UBL3: variants seen among roughly 807,000 people sequenced by gnomAD.
UBL3 encodes the protein ubiquitin-like protein 3.
A neutral mutation model predicts 18.4 loss-of-function variants in UBL3; 6 were observed. The observed-to-expected ratio is 0.33, with a 90% CI of 0.18 to 0.64. The LOEUF (loss-of-function observed/expected upper bound fraction) is 0.64, where lower values mean the gene tolerates loss of function less well. Among genes scored for constraint, UBL3 ranks in the 30% least tolerant of loss-of-function variants. UBL3 has a pLI of 0.76. For synonymous variants in UBL3, 49 were observed against 46.6 expected, an observed-to-expected ratio of 1.05 and a Z score of -0.21; for missense variants, 109 against 142.9, an observed-to-expected ratio of 0.76 and a Z score of 1.21.
intron 1 of UBL3, among the ~76,000 whole-genome samples, chr13:29,793,308 A>G (rs1211022300): frequency 6.6e-6 from 1 of 152,248 alleles, no homozygotes; most frequent in Admixed American, 6.5e-5. Context: ...AGCCATGGAC[A>G]TGAAAAGACC....
chr13:29,770,593 C>T (rs1350528611), intron 3 of UBL3, among the ~76,000 whole-genome samples: 2 of 151,864 alleles, frequency 1.3e-5, no homozygotes, highest in Non-Finnish European at 2.9e-5. Context: ...GATCAATACT[C>T]AAAAGGGAAA....
intron 1 of UBL3, among the ~76,000 whole-genome samples, chr13:29,847,137 T>C (rs1039799211): frequency 3.2e-4 from 48 of 152,208 alleles, no homozygotes; most frequent in African/African-American, 1.1e-3. Context: ...TCTAGGCACA[T>C]AGCAAATGAT....
At chr13:29,788,838 AGTGTGT>A (rs58898742) in intron 1 of UBL3, among the ~76,000 whole-genome samples, 2,018 of 138,166 alleles carry the variant, frequency 0.015, 12 homozygotes, top group East Asian at 0.037. Context: ...TTAATGGGGA[AGTGTGT>A]GTGTGTGTGT....
At chr13:29,824,769 G>T (rs1418612633) in intron 1 of UBL3, among the ~76,000 whole-genome samples, 2 of 152,184 alleles carry the variant, frequency 1.3e-5, no homozygotes, top group African/African-American at 4.8e-5. Flanking sequence ...TTTTAGACAT[G>T]AAGTCCTTGC....
chr13:29,767,114 TG>T lies in UBL3; in HGVS notation c.*140del, dbSNP rs1876709795. Reference sequence around the variant, plus strand: ...TTCTTTTTACTTTCATGAGAAAAGATGACAGTGTTCATGTGGTAATTCAGTT... The same window carrying T: ...TTCTTTTTACTTTCATGAGAAAAGATACAGTGTTCATGTGGTAATTCAGTT... On this transcript the variant is annotated 3_prime_UTR_variant, in exon 5 of 5. Coordinates refer to ENST00000380680, the MANE Select transcript of UBL3 (RefSeq NM_007106.4). The T allele has an allele frequency of 1.5e-6, 1 of 680,458 alleles. No individual in the cohort carries two copies. Among genetic ancestry groups the T allele is most frequent in the African/African-American group, 1.9e-5 (1 of 53,830 alleles). The allele number at this position is 680,458 out of a possible 1,614,324, so 42.2% of individuals were successfully genotyped here. A position where few individuals can be genotyped will look rare whatever the true frequency, so the allele number is the denominator to read the frequency against.
rs1876622580 is a variant in UBL3 at position 29,764,803 on chromosome 13, A to C, written c.*2452T>G. 1 of 152,182 alleles carries C rather than the reference A, an allele frequency of 6.6e-6. No homozygotes were observed. The highest frequency in any genetic ancestry group is 1.5e-5 in the Non-Finnish European group (1 of 68,030). The allele number at this position is 152,182 out of a possible 1,614,324, so 9.4% of individuals were successfully genotyped here. A position where few individuals can be genotyped will look rare whatever the true frequency, so the allele number is the denominator to read the frequency against. On this transcript the variant is annotated 3_prime_UTR_variant, in exon 5 of 5. Transcript: ENST00000380680. ...ATCTATGCAGCTCTCACCTTTAGAT[A>C]AGTGAGCTATATTTTTGGCAGAGGG...
intron 1 of UBL3, among the ~76,000 whole-genome samples, chr13:29,801,634 A>G (rs1877769035): frequency 6.6e-6 from 1 of 152,060 alleles, no homozygotes; most frequent in African/African-American, 2.4e-5. Context: ...CTACCACTTC[A>G]GTTGTACTGC....
At chr13:29,803,905 T>C (rs1877835607) in intron 1 of UBL3, among the ~76,000 whole-genome samples, 2 of 152,014 alleles carry the variant, frequency 1.3e-5, no homozygotes, top group South Asian at 4.1e-4. Flanking sequence ...GCAAAGATTT[T>C]CAAGACCTGA....
chr13:29,814,179 A>G (rs939822310), intron 1 of UBL3, among the ~76,000 whole-genome samples: 1 of 152,090 alleles, frequency 6.6e-6, no homozygotes, highest in African/African-American at 2.4e-5. Context: ...TTGTGAAGTT[A>G]TATTGCACAG....
At chr13:29,840,662 T>C (rs1157688164) in intron 1 of UBL3, among the ~76,000 whole-genome samples, 3 of 152,318 alleles carry the variant, frequency 2.0e-5, no homozygotes, top group Admixed American at 6.5e-5. Context: ...TTAGGAAATA[T>C]ATATCCTTCT....
intron 1 of UBL3, among the ~76,000 whole-genome samples, chr13:29,815,726 A>G (rs895043184): frequency 6.6e-6 from 1 of 152,188 alleles, no homozygotes; most frequent in Non-Finnish European, 1.5e-5. Flanking sequence ...GTGGGTTTCC[A>G]TGTCATTCAC....
intron 1 of UBL3, among the ~76,000 whole-genome samples, chr13:29,788,685 A>C (rs1425618417): frequency 6.6e-6 from 1 of 152,232 alleles, no homozygotes; most frequent in African/African-American, 2.4e-5. Context: ...CTGAAAACTA[A>C]TCCTGCATTT....
intron 1 of UBL3, among the ~76,000 whole-genome samples, chr13:29,780,817 T>C (rs1268686412): frequency 6.6e-6 from 1 of 152,174 alleles, no homozygotes; most frequent in African/African-American, 2.4e-5. Context: ...AAATGTTTTA[T>C]TACAGCAACT....
chr13:29,825,499 T>C (rs1878592664), intron 1 of UBL3, among the ~76,000 whole-genome samples: 1 of 152,192 alleles, frequency 6.6e-6, no homozygotes, highest in Non-Finnish European at 1.5e-5. Flanking sequence ...TTTGGCTCTC[T>C]GTTTGTCTGT....
intron 1 of UBL3, among the ~76,000 whole-genome samples, chr13:29,799,423 T>C (rs1877702344): frequency 6.6e-6 from 1 of 152,182 alleles, no homozygotes; most frequent in Non-Finnish European, 1.5e-5. Flanking sequence ...ACTCAGCAAA[T>C]AGGATATTTA....
chr13:29,836,430 G>C (rs1447620911), intron 1 of UBL3, among the ~76,000 whole-genome samples: 1 of 151,920 alleles, frequency 6.6e-6, no homozygotes, highest in Non-Finnish European at 1.5e-5. Context: ...ACCTATGAGA[G>C]AACAGCAATA....
At chr13:29,788,934 T>C (rs1877413548) in intron 1 of UBL3, among the ~76,000 whole-genome samples, 1 of 149,578 alleles carries the variant, frequency 6.7e-6, no homozygotes, top group African/African-American at 2.4e-5. Context: ...AGTTTTGCTC[T>C]TGTTGCCCAG....
intron 1 of UBL3, among the ~76,000 whole-genome samples, chr13:29,804,411 A>G (rs1303086536): frequency 6.6e-6 from 1 of 152,186 alleles, no homozygotes; most frequent in Non-Finnish European, 1.5e-5. Flanking sequence ...TTACACCTAG[A>G]AGAATTAGAG....
intron 3 of UBL3, among the ~76,000 whole-genome samples, chr13:29,771,792 AGTCTT>A (rs1392399206): frequency 1.3e-5 from 2 of 152,054 alleles, no homozygotes; most frequent in Admixed American, 6.6e-5. Context: ...TTGTGTGTCC[AGTCTT>A]AAGTTTAAAA....
Sources: allele counts gnomAD v4.1 joint callset (sites outside exome capture counted in the v4.1 genomes callset), GRCh38; gene constraint gnomAD v4.1.1; transcripts MANE v1.5; gene names NCBI Gene and HGNC (gene_info 2026-07-23, HGNC 2026-07-21).